Variants in CRB1 observed in about 807,000 individuals in gnomAD.
The protein encoded by CRB1 is crumbs cell polarity complex component 1.
In CRB1, 83 loss-of-function variants were observed where a neutral mutation model predicts 120.0. The observed-to-expected ratio is 0.69, with a 90% confidence interval of 0.58 to 0.83. The LOEUF is 0.83. CRB1 is among the 40% of genes least tolerant of loss of function. The pLI, the probability that CRB1 is intolerant of heterozygous loss-of-function variation, is 0.00. For missense variants in CRB1, 1,699 were observed against 1,687.6 expected (o/e 1.01, Z -0.12); for synonymous variants, 625 against 612.5 (o/e 1.02, Z -0.30).
the CRB1 span, among the ~76,000 whole-genome samples, chr1:197,240,724 A>G: frequency 3.3e-5 from 5 of 152,220 alleles, no homozygotes; most frequent in Non-Finnish European, 7.3e-5. Context: ...CTTTGAGTAT[A>G]TACGCAGTAA....
At chr1:197,436,812 CACA>C (rs1212473887) in intron 9 of CRB1, among the ~76,000 whole-genome samples, 1 of 152,106 alleles carries the variant, frequency 6.6e-6, no homozygotes, top group African/African-American at 2.4e-5. Flanking sequence ...TGTAATAAGG[CACA>C]GACCACTGCA....
chr1:197,477,915 C>A lies in CRB1; in HGVS notation c.*36C>A. On this transcript the variant is annotated 3_prime_UTR_variant, in exon 12 of 12. Coordinates refer to ENST00000367400, the MANE Select transcript of CRB1 (RefSeq NM_201253.3). ...TCCCTTCGAGATGGGGATCCACACACTGTGAATGTGATGACTGTACTTCAG... is the reference window on the plus strand; with the variant it reads ...TCCCTTCGAGATGGGGATCCACACAATGTGAATGTGATGACTGTACTTCAG... 5 of 1,584,484 alleles carry A rather than the reference C, an allele frequency of 3.2e-6. No individual in the cohort carries two copies. The South Asian group carries it at 4.4e-5, about 14-fold the overall frequency.
At chr1:197,297,643 T>C (rs1571790797) in intron 1 of CRB1, among the ~76,000 whole-genome samples, 1 of 152,224 alleles carries the variant, frequency 6.6e-6, no homozygotes, top group East Asian at 1.9e-4. Flanking sequence ...GATATCAATC[T>C]ATACGTAGCA....
At chr1:197,422,052 C>T in intron 6 of CRB1, 96 bp downstream of exon 6, 5 of 1,131,374 alleles carry the variant, frequency 4.4e-6, no homozygotes, top group Non-Finnish European at 6.5e-6. Context: ...TGCTATGAAA[C>T]ATAATGACCC....
the CRB1 span, among the ~76,000 whole-genome samples, chr1:197,214,137 A>T: frequency 1.3e-5 from 2 of 152,170 alleles, no homozygotes; most frequent in African/African-American, 4.8e-5. Context: ...AGAAAAAAAA[A>T]GCTGGCAAAC....
chr1:197,441,950 G>GTA (rs1157287180), intron 10 of CRB1: 17 of 591,268 alleles, frequency 2.9e-5, no homozygotes, highest in African/African-American at 1.1e-4. Flanking sequence ...GTGTGTATAT[G>GTA]TATATATATG....
At chr1:197,468,537 A>T (rs1666844832) in intron 11 of CRB1, among the ~76,000 whole-genome samples, 2 of 152,160 alleles carry the variant, frequency 1.3e-5, no homozygotes, top group Non-Finnish European at 2.9e-5. Context: ...TAATGTGTTA[A>T]ACAGGGCAAT....
chr1:197,311,145 G>C (rs1446178654), intron 1 of CRB1, among the ~76,000 whole-genome samples: 1 of 152,194 alleles, frequency 6.6e-6, no homozygotes, highest in Non-Finnish European at 1.5e-5. Flanking sequence ...TAACTTAAAT[G>C]TTCCTTGCTG....
At chr1:197,477,159 A>T (rs1323030682) in intron 11 of CRB1, among the ~76,000 whole-genome samples, 3 of 152,214 alleles carry the variant, frequency 2.0e-5, no homozygotes, top group Non-Finnish European at 4.4e-5. Flanking sequence ...AGACCAGCGT[A>T]TCACAGTCCC....
Position 197,361,431 on chromosome 1 carries a change from G to C in CRB1, c.1171+4418G>C, listed in dbSNP as rs150150818. Among the ~76,000 whole-genome samples the C allele has an allele frequency of 2.1e-3, 312 of 152,074 alleles. 1 individual carries two copies. Among genetic ancestry groups the C allele is most frequent in the Non-Finnish European group, 2.5e-3 (171 of 67,938 alleles). On this transcript the variant is annotated intron_variant, in intron 5 of 11. Transcript: ENST00000367400. ...AAATTTAATTTCAGTATTGTTATGA[G>C]ACTATCAAGAATACTTATTTTCGGC...
At chr1:197,290,961 T>C (rs1434370042) in intron 1 of CRB1, among the ~76,000 whole-genome samples, 1 of 151,884 alleles carries the variant, frequency 6.6e-6, no homozygotes, top group Non-Finnish European at 1.5e-5. Flanking sequence ...GAATTTTTCT[T>C]TAAAATAAAT....
chr1:197,351,287 G>T (rs1207589819), intron 4 of CRB1, among the ~76,000 whole-genome samples: 3 of 150,142 alleles, frequency 2.0e-5, no homozygotes, highest in Non-Finnish European at 4.4e-5. Flanking sequence ...TTGAACCTGG[G>T]AGGCGGAGGT....
intron 5 of CRB1, among the ~76,000 whole-genome samples, chr1:197,419,237 T>C (rs1664159820): frequency 6.6e-6 from 1 of 152,206 alleles, no homozygotes; most frequent in Non-Finnish European, 1.5e-5. Context: ...ATCTTTGGTT[T>C]AAATTTTTAA....
chr1:197,344,224 A>G, intron 2 of CRB1, 57 bp from the exon 3 acceptor site: 1 of 1,541,174 alleles, frequency 6.5e-7, no homozygotes, highest in Admixed American at 1.7e-5. Flanking sequence ...AAATTGCTAA[A>G]TTATGAACAC....
intron 5 of CRB1, among the ~76,000 whole-genome samples, chr1:197,376,095 G>A (rs190699109): frequency 7.9e-5 from 12 of 152,014 alleles, no homozygotes; most frequent in African/African-American, 2.4e-4. Flanking sequence ...TTTTCTTCTT[G>A]TTCACTATCA....
the CRB1 span, chr1:197,222,683 G>A: frequency 1.5e-5 from 12 of 791,908 alleles, no homozygotes; most frequent in Non-Finnish European, 2.6e-5. Context: ...ATAATTACTT[G>A]TTTCAGGAAA....
the CRB1 span, among the ~76,000 whole-genome samples, chr1:197,242,930 A>C: frequency 6.6e-6 from 1 of 151,914 alleles, no homozygotes; most frequent in Non-Finnish European, 1.5e-5. Context: ...GAATTTATCC[A>C]TTTCTTCTAG....
chr1:197,202,188 G>A, the CRB1 span, among the ~76,000 whole-genome samples: 1 of 152,210 alleles, frequency 6.6e-6, no homozygotes, highest in East Asian at 1.9e-4. Context: ...ACAACTAAAA[G>A]GGCCGCACTC....
intron 5 of CRB1, among the ~76,000 whole-genome samples, chr1:197,395,773 A>C (rs1368631173): frequency 6.6e-6 from 1 of 152,184 alleles, no homozygotes; most frequent in Non-Finnish European, 1.5e-5. Context: ...TAGATACAGA[A>C]AAAAATGCAT....
Sources: allele counts gnomAD v4.1 joint callset (sites outside exome capture counted in the v4.1 genomes callset), GRCh38; gene constraint gnomAD v4.1.1; transcripts MANE v1.5; gene names NCBI Gene and HGNC (gene_info 2026-07-23, HGNC 2026-07-21).